NCOR2: variants seen among roughly 807,000 people sequenced by gnomAD.
NCOR2 encodes the protein CTG repeat protein 26.
In NCOR2, 81 loss-of-function variants were observed where a neutral mutation model predicts 262.9. The ratio of observed to expected loss-of-function variants is 0.31; its 90% CI spans 0.26 to 0.37. NCOR2 has a LOEUF of 0.37. NCOR2 is among the 10% of genes least tolerant of loss of function. The probability of loss-of-function intolerance (pLI) is 1.00; values close to 1 mark genes in which losing one functional copy is unlikely to be tolerated. For missense variants in NCOR2, 3,385 were observed against 3,621.4 expected, an observed-to-expected ratio of 0.93 and a Z score of 1.68; for synonymous variants, 1,659 against 1,559.3, an observed-to-expected ratio of 1.06 and a Z score of -1.51.
intron 16 of NCOR2, among the ~76,000 whole-genome samples, chr12:124,395,971 G>A (rs1021267703): frequency 5.3e-5 from 8 of 152,152 alleles, no homozygotes; most frequent in African/African-American, 1.7e-4. Context: ...AGAGATGAAC[G>A]ACCGACAAAA....
intron 35 of NCOR2, 63 bp from the exon 38 acceptor site, chr12:124,340,506 T>C (rs1030315859): frequency 2.3e-5 from 36 of 1,581,116 alleles, no homozygotes; most frequent in Middle Eastern, 1.7e-4. Flanking sequence ...CTTTGTCTTC[T>C]GGGGTGGGAA....
intron 16 of NCOR2, among the ~76,000 whole-genome samples, chr12:124,393,531 T>C (rs954468404): frequency 6.6e-6 from 1 of 152,166 alleles, no homozygotes; most frequent in African/African-American, 2.4e-5. Flanking sequence ...CCTTCTGGGA[T>C]TCAACCACTT....
intron 13 of NCOR2, among the ~76,000 whole-genome samples, chr12:124,417,286 A>ACAGCAGGCCGGACACTCACTCCACGG: frequency 1.9e-5 from 1 of 51,570 alleles, no homozygotes; most frequent in East Asian, 7.6e-4. Flanking sequence ...TCACTCCACG[A>ACAGCAGGCCGGACACTCACTCCACGG]AGAGCAAGCC....
chr12:124,437,923 G>C lies in NCOR2; in HGVS notation c.882+7C>G. 1 of 1,610,854 alleles carries C rather than the reference G, an allele frequency of 6.2e-7. No individual in the cohort carries two copies. Among genetic ancestry groups the C allele is most frequent in the Non-Finnish European group, 8.5e-7 (1 of 1,178,392 alleles). On this transcript the variant is annotated splice_region_variant and intron_variant, in intron 8 of 46. Coordinates refer to ENST00000405201, the Ensembl canonical transcript of NCOR2. The stretch of plus-strand genomic sequence containing the variant: ...GAAAGCTGATGGGGGCCACGGTGTG[G>C]ACTTACCCATTGTTTCCGAGCGTGA...
At chr12:124,333,887 T>TGC (rs1555299242) in intron 41 of NCOR2, among the ~76,000 whole-genome samples, 1 of 10,118 alleles carries the variant, frequency 9.9e-5, no homozygotes. Context: ...CGGGTGTGCA[T>TGC]GTGTGTGTGC....
chr12:124,439,749 G>C (rs1045183537), intron 7 of NCOR2, among the ~76,000 whole-genome samples: 7 of 152,028 alleles, frequency 4.6e-5, no homozygotes, highest in African/African-American at 1.7e-4. Flanking sequence ...GAGAGAGAGA[G>C]AGAGGCAGTC....
chr12:124,446,984 G>T, intron 7 of NCOR2, among the ~76,000 whole-genome samples: 1 of 151,998 alleles, frequency 6.6e-6, no homozygotes, highest in East Asian at 1.9e-4. Flanking sequence ...GCGTGATCTC[G>T]GCACACTGCA....
chr12:124,385,708 T>C (rs1565896951), intron 17 of NCOR2, 37 bp downstream of exon 19: 3 of 1,607,426 alleles, frequency 1.9e-6, no homozygotes, highest in East Asian at 2.2e-5. Flanking sequence ...CTCTCCCAGC[T>C]TCCCAGAGGC....
chr12:124,490,617 A>G (rs961245841), intron 1 of NCOR2, among the ~76,000 whole-genome samples: 3 of 150,346 alleles, frequency 2.0e-5, no homozygotes, highest in African/African-American at 7.4e-5. Context: ...CCATGAAGCT[A>G]ATGGAGAGAC....
At chr12:124,496,228 AC>A (rs1232252324), upstream of NCOR2, among the ~76,000 whole-genome samples, 2 of 146,842 alleles carry the variant, frequency 1.4e-5, no homozygotes, top group African/African-American at 2.5e-5. This position sits in a 1 kb window ranked among gnomAD's most constrained non-coding sequence, Gnocchi z 4.4. Context: ...ACCCCTAAGC[AC>A]CCCCCACCCC....
At chr12:124,487,528 A>G (rs547201188) in intron 1 of NCOR2, among the ~76,000 whole-genome samples, 2 of 152,386 alleles carry the variant, frequency 1.3e-5, no homozygotes, top group East Asian at 3.9e-4. Flanking sequence ...GGCTCTGCCC[A>G]GCTGCAGGCA....
intron 14 of NCOR2, among the ~76,000 whole-genome samples, 178 bp from the exon 17 acceptor site, chr12:124,400,851 G>A (rs1471777988): frequency 6.6e-6 from 1 of 152,202 alleles, no homozygotes; most frequent in African/African-American, 2.4e-5. Flanking sequence ...AGTCTGCAGG[G>A]GCTCCATGTT....
chr12:124,329,029 C>T, intron 44 of NCOR2: 6 of 452,738 alleles, frequency 1.3e-5, no homozygotes, highest in South Asian at 9.5e-5. Flanking sequence ...GCCTTCTACC[C>T]AAGGCCACGA....
exon 43 of NCOR2, chr12:124,332,392 G>C: frequency 6.2e-7 from 1 of 1,614,210 alleles, no homozygotes; most frequent in African/African-American, 1.3e-5. Flanking sequence ...TGACCATGGC[G>C]GAGTTGCTCT....
chr12:124,332,962 C>T (rs567670363), intron 42 of NCOR2, among the ~76,000 whole-genome samples, 168 bp downstream of exon 44: 1 of 152,302 alleles, frequency 6.6e-6, no homozygotes, highest in Admixed American at 6.5e-5. Flanking sequence ...GGAGGGTGGG[C>T]ATGTATCACA....
At chr12:124,536,231 C>A (rs532268463), upstream of NCOR2, among the ~76,000 whole-genome samples, 2 of 152,238 alleles carry the variant, frequency 1.3e-5, no homozygotes, top group South Asian at 4.1e-4. Context: ...CACGTGCCAC[C>A]ATGCCCGGCT....
chr12:124,457,086 G>GACCCTGT lies in NCOR2; in HGVS notation c.762+13_762+19dup, dbSNP rs776962506. 1 of 1,297,406 alleles carries GACCCTGT rather than the reference G, an allele frequency of 7.7e-7. No homozygotes were observed. Among genetic ancestry groups the GACCCTGT allele is most frequent in the East Asian group, 3.5e-5 (1 of 28,312 alleles). The allele number at this position is 1,297,406 out of a possible 1,614,324, so 80.4% of individuals were successfully genotyped here. The stretch of plus-strand genomic sequence containing the variant: ...CACCCCCGCCCTCCCCTGAGCCCCT[G>GACCCTGT]ACCCTGTACCCCAGCTCACCAGCTC... On this transcript the variant is annotated intron_variant, in intron 6 of 46. Transcript: ENST00000405201. This position sits in a 1 kb window ranked among gnomAD's most constrained non-coding sequence, Gnocchi z 4.0.
At position 124,333,221 on chromosome 12, in the gene NCOR2, C is replaced by T. The variant is rs750252948; in HGVS notation, c.6664G>A (p.Val2222Met). The change falls in exon 42 of 47, where the codon GTG becomes ATG. Residue 2222 changes from valine to methionine, a missense_variant. Val to Met is a conservative substitution (Grantham distance 21, BLOSUM62 1). Coordinates refer to ENST00000405201, the Ensembl canonical transcript of NCOR2. ...TCCGTCATGCCCTCCGGTGGGGACA[C>T]AGGTTCAATACCGTCCTCACCACCA... The T allele has an allele frequency of 6.2e-6, 10 of 1,613,204 alleles. No individual in the cohort carries two copies. The highest frequency in any genetic ancestry group is 1.7e-4 in the Middle Eastern group (1 of 6,058).
At position 124,446,599 on chromosome 12, in the gene NCOR2, A is replaced by G. The variant is rs561917186; in HGVS notation, c.815+3216T>C. On this transcript the variant is annotated intron_variant, in intron 7 of 46. Transcript: ENST00000405201. ...ACAGCCAGCTGCTGCTCAGCCTACA[A>G]GGGTCCCCTTAACTGTCATGGCCTG... Among the ~76,000 whole-genome samples the G allele has an allele frequency of 1.6e-3, 239 of 152,212 alleles. 1 individual carries two copies. The highest frequency in any genetic ancestry group is 5.6e-3 in the African/African-American group (231 of 41,544).
Sources: allele counts gnomAD v4.1 joint callset (sites outside exome capture counted in the v4.1 genomes callset), GRCh38; gene constraint gnomAD v4.1.1; non-coding constraint Gnocchi (gnomAD v3.1); transcripts MANE v1.5; gene names NCBI Gene and HGNC (gene_info 2026-07-23, HGNC 2026-07-21).